RNFT2: variants seen among roughly 807,000 people sequenced by gnomAD.
The protein encoded by RNFT2 is ring finger protein, transmembrane 2.
In RNFT2, 36 loss-of-function variants were observed where a neutral mutation model predicts 53.0. The observed-to-expected ratio is 0.68, with a 90% confidence interval of 0.52 to 0.90. The LOEUF (loss-of-function observed/expected upper bound fraction) is 0.90. Among genes scored for constraint, RNFT2 ranks in the 40% least tolerant of loss-of-function variants. RNFT2 has a pLI of 0.00. For missense variants in RNFT2, 514 were observed against 585.6 expected (o/e 0.88, Z 1.26); for synonymous variants, 260 against 253.2 (o/e 1.03, Z -0.26).
At chr12:116,748,442 TA>T (rs1163350409) in intron 3 of RNFT2, among the ~76,000 whole-genome samples, 3 of 152,230 alleles carry the variant, frequency 2.0e-5, no homozygotes, top group Non-Finnish European at 4.4e-5. Flanking sequence ...GAACTAGAGA[TA>T]ACAGTTCCCA....
intron 10 of RNFT2, among the ~76,000 whole-genome samples, chr12:116,840,913 G>A (rs1877214437): frequency 1.0e-5 from 1 of 99,728 alleles, no homozygotes; most frequent in Non-Finnish European, 2.4e-5. Context: ...TGAGGTTAGG[G>A]GTATGTGTCT....
chr12:116,750,932 C>G (rs1454645400), intron 4 of RNFT2, among the ~76,000 whole-genome samples: 2 of 132,490 alleles, frequency 1.5e-5, no homozygotes, highest in African/African-American at 5.7e-5. Flanking sequence ...CAGGGTCTTG[C>G]TCTTTCAGCC....
chr12:116,799,874 G>A (rs987096034), intron 7 of RNFT2, among the ~76,000 whole-genome samples: 5 of 152,190 alleles, frequency 3.3e-5, no homozygotes, highest in Non-Finnish European at 2.9e-5. Flanking sequence ...CAAATCTCAT[G>A]GTAAAAAGTG....
intron 3 of RNFT2, among the ~76,000 whole-genome samples, chr12:116,745,746 C>T (rs1871862564): frequency 6.6e-6 from 1 of 152,232 alleles, no homozygotes; most frequent in Non-Finnish European, 1.5e-5. Context: ...ATTTCACTTG[C>T]AGGCCTTCTC....
chr12:116,802,940 A>G (rs1453768139), intron 7 of RNFT2, among the ~76,000 whole-genome samples: 1 of 151,882 alleles, frequency 6.6e-6, no homozygotes, highest in East Asian at 1.9e-4. Context: ...ACCAAAAAAA[A>G]AAAAATTAGC....
chr12:116,790,363 C>T (rs1010760734), intron 7 of RNFT2, among the ~76,000 whole-genome samples: 1 of 147,062 alleles, frequency 6.8e-6, no homozygotes, highest in African/African-American at 2.7e-5. Context: ...AATAGAAACC[C>T]CTGTATTCGT....
At chr12:116,833,139 G>C (rs555535345) in intron 7 of RNFT2, among the ~76,000 whole-genome samples, 1 of 152,092 alleles carries the variant, frequency 6.6e-6, no homozygotes, top group African/African-American at 2.4e-5. Context: ...GGCTGGTCTT[G>C]AACTCCTGAC....
In RNFT2 at chr12:116,766,835, ATCT is replaced by A. The variant is rs1872935352; in HGVS notation, c.651_653del (p.Ile217_Leu218delinsMet). ...TCAGGAGAAGAGGTCAGTGCTGGTC[ATCT>A]TGTGGATCCTGGCCTTTCTGGCGGG... On this transcript the variant is annotated inframe_deletion, in exon 6 of 11. Transcript: ENST00000257575. The A allele has an allele frequency of 1.9e-6, 3 of 1,597,026 alleles. No individual in the cohort carries two copies. Among genetic ancestry groups the A allele is most frequent in the African/African-American group, 1.3e-5 (1 of 74,754 alleles).
chr12:116,804,209 T>C (rs1196477977), intron 7 of RNFT2, among the ~76,000 whole-genome samples: 1 of 152,244 alleles, frequency 6.6e-6, no homozygotes, highest in Non-Finnish European at 1.5e-5. Flanking sequence ...TACACAGTGT[T>C]GTGTTTTTGA....
At chr12:116,756,440 A>G (rs1872513510) in intron 5 of RNFT2, among the ~76,000 whole-genome samples, 1 of 151,912 alleles carries the variant, frequency 6.6e-6, no homozygotes, top group South Asian at 2.1e-4. Flanking sequence ...GTATCTGGAA[A>G]GTTTGTTTTA....
Position 116,797,245 on chromosome 12 carries a change from T to C in RNFT2, c.882+17897T>C, listed in dbSNP as rs143048316. On this transcript the variant is annotated intron_variant, in intron 7 of 10. Transcript: ENST00000257575. The stretch of plus-strand genomic sequence containing the variant: ...AGTCCAAACCCCAGGACCTCAGAAT[T>C]TGGCTATATTTGGAAATAGGGTCTA... Among the ~76,000 whole-genome samples the C allele has an allele frequency of 2.1e-3, 327 of 152,246 alleles. 3 individuals are homozygous for C. The highest frequency in any genetic ancestry group is 6.6e-4 in the Non-Finnish European group (45 of 68,020).
chr12:116,841,790 TATAA>T lies in RNFT2; in HGVS notation c.1200+5512_1200+5515del, dbSNP rs1312264047. Among the ~76,000 whole-genome samples, 41 of 91,952 alleles carry T rather than the reference TATAA, an allele frequency of 4.5e-4. No homozygotes were observed. In the South Asian group the frequency reaches 0.01, roughly 23 times the overall value. The allele number at this position is 91,952 out of a possible 152,430, so 60.3% of individuals were successfully genotyped here. On this transcript the variant is annotated intron_variant, in intron 10 of 10. Transcript: ENST00000257575. ...AAATATATATATATAAATATATATA[TATAA>T]ATATATATATAAATATATATATAAA... is the stretch of plus-strand genomic sequence containing the variant.
intron 3 of RNFT2, among the ~76,000 whole-genome samples, chr12:116,749,394 C>T (rs755772557): frequency 6.6e-6 from 1 of 151,510 alleles, no homozygotes; most frequent in Non-Finnish European, 1.5e-5. Context: ...CCTCCCACCT[C>T]AGCCTCCTGA....
chr12:116,750,843 A>G (rs1872179688), intron 4 of RNFT2, among the ~76,000 whole-genome samples: 6 of 1,960 alleles, frequency 3.1e-3, no homozygotes, highest in African/African-American at 0.016. Context: ...TATATATTAT[A>G]TATATATAAT....
chr12:116,819,789 A>G (rs1050217704), intron 7 of RNFT2, among the ~76,000 whole-genome samples: 1 of 152,218 alleles, frequency 6.6e-6, no homozygotes, highest in Admixed American at 6.5e-5. Flanking sequence ...TGCCCTAATT[A>G]TAAAGCTCAG....
At chr12:116,799,482 G>A (rs1001042286) in intron 7 of RNFT2, among the ~76,000 whole-genome samples, 1 of 152,154 alleles carries the variant, frequency 6.6e-6, no homozygotes, top group Admixed American at 6.6e-5. Flanking sequence ...GCATTAAGAT[G>A]GGAAATTTTG....
chr12:116,796,479 G>A (rs1283235358), intron 7 of RNFT2, among the ~76,000 whole-genome samples: 2 of 152,176 alleles, frequency 1.3e-5, no homozygotes, highest in Non-Finnish European at 2.9e-5. Flanking sequence ...AGTAGGGTGA[G>A]ATTCCATAGG....
chr12:116,766,960 G>C lies in RNFT2; in HGVS notation c.728+46G>C, dbSNP rs747686159. 8 of 1,397,526 alleles carry C rather than the reference G, an allele frequency of 5.7e-6. No homozygotes were observed. The African/African-American group carries it at 1.1e-4, about 20-fold the overall frequency. 86.6% of individuals were successfully genotyped at this position (1,397,526 alleles called of 1,614,324 possible). ...CCCACGGTGGGAGAGTGGGGCACTT[G>C]GCTGGGCTTGGGGCACGTACCCTTT... On this transcript the variant is annotated intron_variant, in intron 6 of 10. Coordinates refer to ENST00000257575, the MANE Select transcript of RNFT2 (RefSeq NM_001382266.1).
intron 7 of RNFT2, among the ~76,000 whole-genome samples, chr12:116,827,402 T>C (rs968156907): frequency 6.6e-6 from 1 of 152,120 alleles, no homozygotes; most frequent in Non-Finnish European, 1.5e-5. Context: ...GGGACCACTA[T>C]TCCATCTGCA....
Sources: gnomAD v4.1 joint callset for allele counts (sites outside exome capture counted in the v4.1 genomes callset) on GRCh38, gnomAD v4.1.1 for gene constraint, MANE v1.5 for transcripts, NCBI Gene and HGNC (gene_info 2026-07-23, HGNC 2026-07-21) for gene names.